The following SNX9 variants were observed in gnomAD, a reference collection of about 807,000 sequenced individuals.
SNX9 encodes sorting nexin-9.
Under a neutral mutation model 89.4 loss-of-function variants are expected in SNX9, and 44 were observed. That is an observed-to-expected ratio of 0.49 (90% CI 0.39 to 0.63). SNX9 has a LOEUF of 0.63. SNX9 is among the 30% of genes least tolerant of loss of function. The pLI is 0.00. For missense variants in SNX9, 578 were observed against 736.1 expected (o/e 0.79, Z 2.49); for synonymous variants, 236 against 247.8 (o/e 0.95, Z 0.45).
chr6:157,863,037 G>C (rs187729783), intron 1 of SNX9, among the ~76,000 whole-genome samples: 25 of 152,282 alleles, frequency 1.6e-4, no homozygotes, highest in Admixed American at 1.4e-3. Flanking sequence ...GTGCTACATT[G>C]ACTTCGTTTT....
intron 1 of SNX9, among the ~76,000 whole-genome samples, chr6:157,865,337 CA>C (rs1291049057): frequency 1.7e-5 from 2 of 117,660 alleles, no homozygotes; most frequent in African/African-American, 3.5e-5. Context: ...GAAACAGTCT[CA>C]GGAAAAAAAA....
At chr6:157,916,417 C>A (rs116214724) in intron 9 of SNX9, among the ~76,000 whole-genome samples, 1,829 of 152,280 alleles carry the variant, frequency 0.012, 41 homozygotes, top group African/African-American at 0.042. Context: ...GGGCCTTCTA[C>A]TTCTGTTTCT....
intron 4 of SNX9, among the ~76,000 whole-genome samples, chr6:157,895,158 G>A: frequency 6.6e-6 from 1 of 152,220 alleles, no homozygotes; most frequent in Non-Finnish European, 1.5e-5. Flanking sequence ...AAAATGAGGT[G>A]GAATTGGGCT....
chr6:157,828,835 C>T (rs1411541606), intron 1 of SNX9, among the ~76,000 whole-genome samples: 1 of 152,124 alleles, frequency 6.6e-6, no homozygotes, highest in African/African-American at 2.4e-5. Context: ...CCTGATGTCC[C>T]CGCCCCTGTT....
intron 4 of SNX9, among the ~76,000 whole-genome samples, chr6:157,893,868 A>G (rs565728445): frequency 6.6e-6 from 1 of 152,268 alleles, no homozygotes; most frequent in African/African-American, 2.4e-5. Context: ...TAAACAGCTA[A>G]GAGATGTTAT....
At chr6:157,897,917 C>T (rs1783013844) in intron 5 of SNX9, among the ~76,000 whole-genome samples, 1 of 152,186 alleles carries the variant, frequency 6.6e-6, no homozygotes, top group Admixed American at 6.5e-5. Flanking sequence ...CTTGGTCCTT[C>T]TGTTGACCAG....
chr6:157,865,672 C>T (rs1782246938), intron 1 of SNX9, among the ~76,000 whole-genome samples: 1 of 152,230 alleles, frequency 6.6e-6, no homozygotes, highest in Non-Finnish European at 1.5e-5. Context: ...TGCTTTGTCA[C>T]ATATTCGTCC....
chr6:157,843,134 C>G (rs1344255859), intron 1 of SNX9, among the ~76,000 whole-genome samples: 1 of 152,132 alleles, frequency 6.6e-6, no homozygotes, highest in African/African-American at 2.4e-5. Flanking sequence ...GGAGATGAAG[C>G]CTTCTAAGCC....
At chr6:157,844,001 C>A (rs114325252) in intron 1 of SNX9, among the ~76,000 whole-genome samples, 4,594 of 151,168 alleles carry the variant, frequency 0.03, 179 homozygotes, top group African/African-American at 0.086. Flanking sequence ...TAGCCTCCTG[C>A]ATAGCTGGGA....
At chr6:157,834,530 T>C (rs1781547446) in intron 1 of SNX9, among the ~76,000 whole-genome samples, 1 of 151,618 alleles carries the variant, frequency 6.6e-6, no homozygotes, top group Admixed American at 6.6e-5. Context: ...AATTTTTTTT[T>C]CTTTAGTAGA....
chr6:157,937,463 A>G lies in SNX9; in HGVS notation c.1473A>G (p.Glu491=), dbSNP rs1783949292. The change falls in exon 15 of 18, where the codon GAA becomes GAG. Residue 491 remains glutamate (E), a synonymous_variant. Coordinates refer to ENST00000392185, the MANE Select transcript of SNX9 (RefSeq NM_016224.5). ...AGAAAGATCTCCATTTCCTGATGGA[A>G]TGTAATCACGAGTATAAAGGTTTTC... ...QPKKDLHFLM[E]CNHEYKGFLG... is the part of the protein sequence containing the mutation. The G allele has an allele frequency of 2.5e-6, 4 of 1,613,842 alleles. No individual in the cohort carries two copies. Among genetic ancestry groups the G allele is most frequent in the Non-Finnish European group, 3.4e-6 (4 of 1,179,758 alleles).
chr6:157,936,163 A>G (rs960830938), intron 14 of SNX9, 123 bp downstream of exon 14: 1 of 672,428 alleles, frequency 1.5e-6, no homozygotes, highest in East Asian at 3.1e-5. Context: ...GTTTCTGTGT[A>G]TCTTTTTTAA....
In SNX9 at chr6:157,894,491, A is replaced by T. The variant is rs570974145; in HGVS notation, c.301-2336A>T. 1.5e-4 allele frequency among the ~76,000 whole-genome samples: 22 copies of T among 148,990 alleles called. 1 individual carries two copies. The East Asian group carries it at 4.1e-3, about 28-fold the overall frequency. ...AAAAAAAAAAAAAAAAAAAAAGCTA[A>T]CAAAAAACTGTATTTGCCTCAAGGG... is the stretch of plus-strand genomic sequence containing the variant. On this transcript the variant is annotated intron_variant, in intron 4 of 17. Transcript: ENST00000392185.
Position 157,940,961 on chromosome 6 carries a change from A to G in SNX9, c.1727A>G (p.Gln576Arg). 1 of 1,614,194 alleles carries G rather than the reference A, an allele frequency of 6.2e-7. No individual in the cohort carries two copies. The highest frequency in any genetic ancestry group is 1.1e-5 in the South Asian group (1 of 91,082). ...VIRLYLEQQV[Q>R]FYETIAEKLR... The stretch of plus-strand genomic sequence containing the variant: ...CGCCTGTACCTGGAGCAGCAAGTGC[A>G]ATTTTACGAAACGGTGAGTGGGCGT... The change falls in exon 17 of 18, where the codon CAA (glutamine) becomes CGA (arginine). Residue 576 changes from glutamine to arginine, a missense_variant. Gln to Arg is a conservative substitution (Grantham distance 43, BLOSUM62 1). Around this residue, in one of 2 missense-constraint regions of SNX9, gnomAD observed 348 missense variants for 491.4 expected, o/e 0.71. Transcript: ENST00000392185.
At chr6:157,937,593 A>T in intron 15 of SNX9, 70 bp downstream of exon 15, 1 of 1,022,330 alleles carries the variant, frequency 9.8e-7, no homozygotes, top group Admixed American at 2.0e-5. Flanking sequence ...AGTAGTCAGT[A>T]TTGGTTTTAT....
intron 4 of SNX9, among the ~76,000 whole-genome samples, chr6:157,877,373 G>C (rs937609723): frequency 5.3e-5 from 8 of 152,064 alleles, no homozygotes; most frequent in Non-Finnish European, 1.2e-4. Flanking sequence ...AATGCAGAAA[G>C]CATAGCCGTC....
chr6:157,874,948 A>G (rs1782487453), intron 3 of SNX9, 103 bp from the exon 4 acceptor site: 2 of 1,316,268 alleles, frequency 1.5e-6, no homozygotes, highest in Admixed American at 2.4e-5. Flanking sequence ...AATTTGTAGC[A>G]TTGAAGAATA....
intron 9 of SNX9, among the ~76,000 whole-genome samples, chr6:157,917,101 C>A (rs1384145532): frequency 6.6e-6 from 1 of 152,152 alleles, no homozygotes; most frequent in Non-Finnish European, 1.5e-5. Flanking sequence ...ACTATTCAGG[C>A]TGAGCTTTGG....
chr6:157,938,615 G>A lies in SNX9; in HGVS notation c.1534-18G>A, dbSNP rs755847215. 4.6e-6 allele frequency: 7 copies of A among 1,522,654 alleles called. No individual in the cohort carries two copies. Among genetic ancestry groups the A allele is most frequent in the Non-Finnish European group, 6.4e-6 (7 of 1,097,806 alleles). The allele number at this position is 1,522,654 out of a possible 1,614,324, so 94.3% of individuals were successfully genotyped here. A position where few individuals can be genotyped will look rare whatever the true frequency, so the allele number is the denominator to read the frequency against. On this transcript the variant is annotated intron_variant, in intron 15 of 17. Coordinates refer to ENST00000392185, the MANE Select transcript of SNX9 (RefSeq NM_016224.5). ...TCATTTCAGCTTTATTCATACTGTT[G>A]CATTTTATATTTCACAGGGAGCAAT...
Sources: gnomAD v4.1 joint callset for allele counts (sites outside exome capture counted in the v4.1 genomes callset) on GRCh38, gnomAD v4.1.1 for gene constraint, gnomAD v4.1.1 regional missense constraint, MANE v1.5 for transcripts, NCBI Gene and HGNC (gene_info 2026-07-23, HGNC 2026-07-21) for gene names.